The following KCNMB3 variants were observed in gnomAD, a reference collection of about 807,000 sequenced individuals.
KCNMB3 encodes calcium-activated potassium channel subunit beta-3.
Under a neutral mutation model 11.9 loss-of-function variants are expected in KCNMB3, and 18 were observed. The ratio of observed to expected loss-of-function variants is 1.51; its 90% CI spans 1.04 to 2.23. The LOEUF is 2.23. Ranked by LOEUF, KCNMB3 falls within the 30% of genes most tolerant of loss-of-function variation. The pLI, the probability that KCNMB3 is intolerant of heterozygous loss-of-function variation, is 0.00. For synonymous variants in KCNMB3, 78 were observed against 119.2 expected, an observed-to-expected ratio of 0.65 and a Z score of 2.25; for missense variants, 247 against 329.4, an observed-to-expected ratio of 0.75 and a Z score of 1.94.
At chr3:179,260,975 G>C (rs1190157969) in intron 1 of KCNMB3, 1 of 1,010,856 alleles carries the variant, frequency 9.9e-7, no homozygotes, top group Non-Finnish European at 1.6e-6. Flanking sequence ...TTCCCTGATG[G>C]ACGCCTCGGT....
intron 1 of KCNMB3, among the ~76,000 whole-genome samples, chr3:179,262,432 G>A (rs1187309471): frequency 1.3e-5 from 2 of 152,106 alleles, no homozygotes; most frequent in Non-Finnish European, 2.9e-5. Context: ...GGCTTCAGGA[G>A]TGAAGCTGCA....
intron 1 of KCNMB3, among the ~76,000 whole-genome samples, chr3:179,261,431 C>T (rs1020377664): frequency 6.6e-6 from 1 of 151,980 alleles, no homozygotes; most frequent in Non-Finnish European, 1.5e-5. Context: ...AAGAGCCAGC[C>T]CGCCGGGGAG....
At chr3:179,261,031 C>T in intron 1 of KCNMB3, 1 of 991,054 alleles carries the variant, frequency 1.0e-6, no homozygotes, top group East Asian at 2.4e-5. Flanking sequence ...GAGAGGAAGT[C>T]CCACCCAGAA....
At chr3:179,254,350 G>A (rs1725942223), upstream of KCNMB3, among the ~76,000 whole-genome samples, 1 of 152,132 alleles carries the variant, frequency 6.6e-6, no homozygotes, top group Non-Finnish European at 1.5e-5. Context: ...ATCCTCAAGG[G>A]GATCCTCAAG....
At chr3:179,253,858 G>T (rs960974767), upstream of KCNMB3, among the ~76,000 whole-genome samples, 1 of 151,998 alleles carries the variant, frequency 6.6e-6, no homozygotes, top group Non-Finnish European at 1.5e-5. Flanking sequence ...AGCCCACATA[G>T]ATATGTTTTT....
At chr3:179,250,219 T>C (rs1036961986) in intron 1 of KCNMB3, among the ~76,000 whole-genome samples, 1 of 152,120 alleles carries the variant, frequency 6.6e-6, no homozygotes, top group African/African-American at 2.4e-5. Flanking sequence ...GAAAATCCAT[T>C]TATAAGTGGA....
chr3:179,263,368 C>A (rs1042940592), intron 1 of KCNMB3, among the ~76,000 whole-genome samples: 4 of 152,256 alleles, frequency 2.6e-5, no homozygotes, highest in Non-Finnish European at 5.9e-5. Flanking sequence ...GCGCACAGCC[C>A]GGGTTCCCGC....
chr3:179,261,157 C>G, intron 1 of KCNMB3: 1 of 1,328,454 alleles, frequency 7.5e-7, no homozygotes, highest in Non-Finnish European at 1.0e-6. Flanking sequence ...TCATGGGGAT[C>G]TCACGAGCCT....
rs577592524 is a variant in KCNMB3 at position 179,243,944 on chromosome 3, C to T, written c.447+551G>A. ...ATCCCAAACAGAAAACAAAAGTCAT[C>T]GGATTGAAATTGATGCTTAAAGACA... On this transcript the variant is annotated intron_variant, in intron 2 of 2. Coordinates refer to ENST00000392685, the MANE Select transcript of KCNMB3 (RefSeq NM_171830.2). Among the ~76,000 whole-genome samples, 11 of 152,224 alleles carry T rather than the reference C, an allele frequency of 7.2e-5. No individual in the cohort carries two copies. In the South Asian group the frequency reaches 2.1e-3, roughly 29 times the overall value.
chr3:179,258,932 A>G (rs1560160528), intron 1 of KCNMB3: 2 of 1,613,278 alleles, frequency 1.2e-6, no homozygotes, highest in East Asian at 2.2e-5. Context: ...CTATGAATTT[A>G]GAACATTCTA....
chr3:179,261,923 ATG>A (rs1451714850), intron 1 of KCNMB3, among the ~76,000 whole-genome samples: 2 of 152,252 alleles, frequency 1.3e-5, no homozygotes, highest in Non-Finnish European at 2.9e-5. Context: ...TATAGGCAAA[ATG>A]TAACAAAAAG....
intron 1 of KCNMB3, chr3:179,260,870 TG>T (rs1472693964): frequency 4.3e-6 from 5 of 1,166,364 alleles, no homozygotes; most frequent in Non-Finnish European, 5.1e-6. Context: ...GGTGTCAACT[TG>T]GTAAATGAAG....
chr3:179,266,734 G>A (rs1311343865), exon 1 of KCNMB3: 1 of 1,613,430 alleles, frequency 6.2e-7, no homozygotes, highest in Non-Finnish European at 8.5e-7. Flanking sequence ...TGAGAAAATG[G>A]CTCCCTTTCA....
At chr3:179,259,652 C>A in intron 1 of KCNMB3, 1 of 1,609,252 alleles carries the variant, frequency 6.2e-7, no homozygotes, top group South Asian at 1.1e-5. Context: ...AATCTGTGTT[C>A]TGATAAGTTA....
rs754550852 is a variant in KCNMB3 at position 179,243,256 on chromosome 3, T to C, written c.476A>G (p.Asp159Gly). The C allele has an allele frequency of 8.5e-6, 11 of 1,301,396 alleles. No homozygotes were observed. Among genetic ancestry groups the C allele is most frequent in the Non-Finnish European group, 4.3e-6 (4 of 923,566 alleles). 80.6% of individuals were successfully genotyped at this position (1,301,396 alleles called of 1,614,324 possible). The change falls in exon 3 of 3, where the codon GAT (aspartate) becomes GGT (glycine). Residue 159 changes from aspartate to glycine, a missense_variant. By Grantham distance (94) the Asp-to-Gly change is moderately conservative (BLOSUM62 -1). Around this residue, in one of 2 missense-constraint regions of KCNMB3, gnomAD observed 87 missense variants for 171.9 expected, o/e 0.51. Coordinates refer to ENST00000392685, the MANE Select transcript of KCNMB3 (RefSeq NM_171830.2). ...KCFYTPKCHQ[D>G]RNDLLNSALD... ...AGCACTGTTGAGCAAATCATTTCTA[T>C]CTTGGTGGCACTTAGGTGTGTAAAA...
downstream of KCNMB3, chr3:179,241,868 G>A (rs112057596): frequency 0.02 from 3,111 of 154,240 alleles, 122 homozygotes; most frequent in South Asian, 0.13. Context: ...AGCCTAATAC[G>A]ATGTGGATCA....
chr3:179,266,694 A>T (rs1044908513), exon 1 of KCNMB3: 2 of 1,614,036 alleles, frequency 1.2e-6, no homozygotes, highest in African/African-American at 2.7e-5. Context: ...TTGCACGGGG[A>T]TGCTGAAGGG....
At chr3:179,244,442 C>G in intron 2 of KCNMB3, 53 bp downstream of exon 2, 1 of 1,443,648 alleles carries the variant, frequency 6.9e-7, no homozygotes, top group Non-Finnish European at 9.8e-7. Flanking sequence ...CTGCTAGGGA[C>G]AGTCTGGCAG....
At chr3:179,260,642 T>A in intron 1 of KCNMB3, 1 of 1,331,504 alleles carries the variant, frequency 7.5e-7, no homozygotes, top group South Asian at 1.2e-5. Context: ...ACTGAGAGTG[T>A]CGGAAGTCTC....
Sources: gnomAD v4.1 joint callset for allele counts (sites outside exome capture counted in the v4.1 genomes callset) on GRCh38, gnomAD v4.1.1 for gene constraint, gnomAD v4.1.1 regional missense constraint, MANE v1.5 for transcripts, NCBI Gene and HGNC (gene_info 2026-07-23, HGNC 2026-07-21) for gene names.